SEC23A: variants seen among roughly 807,000 people sequenced by gnomAD.
The protein encoded by SEC23A is protein transport protein Sec23A.
A neutral mutation model predicts 103.7 loss-of-function variants in SEC23A; 56 were observed. The ratio of observed to expected loss-of-function variants is 0.54; its 90% CI spans 0.44 to 0.67. SEC23A has a LOEUF of 0.67. Among genes scored for constraint, SEC23A ranks in the 30% least tolerant of loss-of-function variants. SEC23A has a pLI of 0.00. For synonymous variants in SEC23A, 281 were observed against 293.0 expected (o/e 0.96, Z 0.42); for missense variants, 784 against 936.4 (o/e 0.84, Z 2.12).
intron 2 of SEC23A, among the ~76,000 whole-genome samples, chr14:39,094,216 A>G (rs1887760635): frequency 8.5e-6 from 1 of 118,318 alleles, no homozygotes; most frequent in East Asian, 2.4e-4. Flanking sequence ...ATATGCATAT[A>G]TACACATACA....
At chr14:39,066,534 T>C (rs895572491) in intron 10 of SEC23A, among the ~76,000 whole-genome samples, 9 of 152,050 alleles carry the variant, frequency 5.9e-5, no homozygotes, top group Non-Finnish European at 8.8e-5. Context: ...ATTCCTATCA[T>C]TAACCTAGCA....
intron 7 of SEC23A, among the ~76,000 whole-genome samples, chr14:39,077,293 C>T (rs1351905363): frequency 2.0e-5 from 3 of 148,804 alleles, no homozygotes; most frequent in Admixed American, 6.8e-5. Context: ...CCTGTAATCC[C>T]AGCACTTTCA....
chr14:39,073,786 T>C (rs753664794), intron 9 of SEC23A, among the ~76,000 whole-genome samples: 4 of 151,728 alleles, frequency 2.6e-5, no homozygotes, highest in Non-Finnish European at 5.9e-5. Context: ...ATTTTTGTAT[T>C]TTTAGTAGAG....
chr14:39,057,196 C>T (rs966456666), intron 13 of SEC23A, among the ~76,000 whole-genome samples: 2 of 152,024 alleles, frequency 1.3e-5, no homozygotes, highest in African/African-American at 4.8e-5. Context: ...TGCCTATAAT[C>T]CCAGCTACTC....
Position 39,059,197 on chromosome 14 carries a change from T to C in SEC23A, c.1505+2568A>G, listed in dbSNP as rs572866705. On this transcript the variant is annotated intron_variant, in intron 13 of 19. Transcript: ENST00000307712. ...ACATGAAAAATAGAGTAACTTTGTC[T>C]TCTCAGGAGCCTTTATTTTCATATG... is the stretch of plus-strand genomic sequence containing the variant. 3.4e-5 allele frequency among the ~76,000 whole-genome samples: 5 copies of C among 149,068 alleles called. No individual in the cohort carries two copies. In the South Asian group the frequency reaches 8.4e-4, roughly 25 times the overall value.
In SEC23A at chr14:39,033,286, C is replaced by G; in HGVS notation, c.2251G>C (p.Val751Leu). The G allele has an allele frequency of 6.2e-7, 1 of 1,613,520 alleles. No individual in the cohort carries two copies. Among genetic ancestry groups the G allele is most frequent in the Non-Finnish European group, 8.5e-7 (1 of 1,179,532 alleles). The change falls in exon 20 of 20, where the codon GTG becomes CTG. Residue 751 changes from valine to leucine, a missense_variant. Val to Leu is a conservative substitution (Grantham distance 32). Around this residue, in one of 2 missense-constraint regions of SEC23A, gnomAD observed 101 missense variants for 162.2 expected, o/e 0.62. Transcript: ENST00000307712. ...PILTDDVSLQ[V>L]FMDHLKKLAV... Reference sequence around the variant, plus strand: ...AGTTTCTTCAAGTGATCCATAAACACTTGTAAACTAACATCATCTGTAAGA... The same window carrying G: ...AGTTTCTTCAAGTGATCCATAAACAGTTGTAAACTAACATCATCTGTAAGA...
chr14:39,040,850 A>C lies in SEC23A; in HGVS notation c.2024T>G (p.Met675Arg). The change falls in exon 18 of 20, where the codon ATG becomes AGG. Residue 675 changes from methionine (M) to arginine (R), a missense_variant. Met to Arg is a moderately conservative substitution (Grantham distance 91). Around this residue, in one of 2 missense-constraint regions of SEC23A, gnomAD observed 101 missense variants for 162.2 expected, o/e 0.62. Coordinates refer to ENST00000307712, the MANE Select transcript of SEC23A (RefSeq NM_006364.4). Reference protein sequence around the residue: ...AQWRKSGYQDMPEYENFRHLL... With the variant: ...AQWRKSGYQDRPEYENFRHLL... ...GTGGCGGAAATTTTCATACTCAGGC[A>C]TATCCTGGTATCCTGACTTCCGCCA... 6.2e-7 allele frequency: 1 copy of C among 1,614,168 alleles called. No individual in the cohort carries two copies. Among genetic ancestry groups the C allele is most frequent in the Non-Finnish European group, 8.5e-7 (1 of 1,180,018 alleles).
At chr14:39,096,660 T>C (rs1309258618) in intron 1 of SEC23A, among the ~76,000 whole-genome samples, 1 of 152,224 alleles carries the variant, frequency 6.6e-6, no homozygotes. Flanking sequence ...TTAACACTTT[T>C]TTATTCACTC....
chr14:39,047,714 C>A (rs1452951993), intron 15 of SEC23A, among the ~76,000 whole-genome samples: 1 of 152,142 alleles, frequency 6.6e-6, no homozygotes, highest in East Asian at 1.9e-4. Flanking sequence ...ATATTTCTCA[C>A]TTTCTGTTCT....
intron 7 of SEC23A, among the ~76,000 whole-genome samples, chr14:39,079,069 C>A (rs143940449): frequency 1.1e-4 from 17 of 152,076 alleles, no homozygotes; most frequent in Non-Finnish European, 2.4e-4. Context: ...AAGAACGAGA[C>A]TACATCCAAT....
chr14:39,076,734 T>C (rs149832245), intron 7 of SEC23A, among the ~76,000 whole-genome samples: 1 of 151,634 alleles, frequency 6.6e-6, no homozygotes, highest in Admixed American at 6.6e-5. Context: ...AAGACCAGCC[T>C]GGTCAACATG....
chr14:39,089,105 C>T (rs1388490287), intron 5 of SEC23A, among the ~76,000 whole-genome samples: 4 of 139,012 alleles, frequency 2.9e-5, no homozygotes, highest in African/African-American at 8.1e-5. Flanking sequence ...ACTAAGGAGG[C>T]GGAGATTGCA....
intron 15 of SEC23A, chr14:39,047,304 G>C: frequency 8.3e-6 from 7 of 846,890 alleles, no homozygotes; most frequent in Non-Finnish European, 1.2e-5. Flanking sequence ...TTAGGCTAAT[G>C]CCCTCCATCA....
chr14:39,044,394 T>A (rs1345796595), intron 16 of SEC23A, among the ~76,000 whole-genome samples: 3 of 151,988 alleles, frequency 2.0e-5, no homozygotes, highest in Admixed American at 2.0e-4. Context: ...CCTAGAAAAA[T>A]AGAAACTATT....
At chr14:39,079,539 G>A (rs1204071479) in intron 7 of SEC23A, among the ~76,000 whole-genome samples, 1 of 152,152 alleles carries the variant, frequency 6.6e-6, no homozygotes, top group Non-Finnish European at 1.5e-5. Flanking sequence ...CATATGATTA[G>A]CCTGGCACAG....
In SEC23A at chr14:39,040,768, C is replaced by T; in HGVS notation, c.2106G>A (p.Met702Ile). ...CATGTTCAGTGTCAATGTATCTTGG[C>T]ATTGGAAATCTGGAGTGAAGAATTT... ...AQEILHSRFP[M>I]PRYIDTEHGG... Residue 702 changes from methionine to isoleucine, a missense_variant, in exon 18 of 20, where the codon ATG becomes ATA. Met to Ile is a conservative substitution (Grantham distance 10, BLOSUM62 1). Around this residue, in one of 2 missense-constraint regions of SEC23A, gnomAD observed 101 missense variants for 162.2 expected, o/e 0.62. Transcript: ENST00000307712. 6.8e-6 allele frequency: 11 copies of T among 1,614,164 alleles called. No homozygotes were observed. Among genetic ancestry groups the T allele is most frequent in the Non-Finnish European group, 9.3e-6 (11 of 1,180,028 alleles).
chr14:39,059,295 A>AAAAAAAAAAAAAAC (rs1886379330), intron 13 of SEC23A, among the ~76,000 whole-genome samples: 1 of 115,612 alleles, frequency 8.6e-6, no homozygotes, highest in Non-Finnish European at 1.9e-5. Flanking sequence ...AAAAAAAAAA[A>AAAAAAAAAAAAAAC]AAAAAAAAAA....
intron 16 of SEC23A, among the ~76,000 whole-genome samples, chr14:39,043,349 T>C (rs1190757077): frequency 6.6e-6 from 1 of 152,148 alleles, no homozygotes; most frequent in Non-Finnish European, 1.5e-5. Context: ...TATGAATTCT[T>C]ATAGTGTATT....
intron 19 of SEC23A, among the ~76,000 whole-genome samples, chr14:39,035,255 T>C (rs947718482): frequency 6.6e-6 from 1 of 152,220 alleles, no homozygotes; most frequent in African/African-American, 2.4e-5. Context: ...TTAGATATTA[T>C]GATTATTAAA....
Sources: allele counts gnomAD v4.1 joint callset (sites outside exome capture counted in the v4.1 genomes callset), GRCh38; gene constraint gnomAD v4.1.1; regional missense constraint gnomAD v4.1.1; transcripts MANE v1.5; gene names NCBI Gene and HGNC (gene_info 2026-07-23, HGNC 2026-07-21).